KHDRBS2: variants seen among roughly 807,000 people sequenced by gnomAD.
KHDRBS2 encodes KH domain-containing, RNA-binding, signal transduction-associated protein 2.
A neutral mutation model predicts 44.3 loss-of-function variants in KHDRBS2; 26 were observed. The observed-to-expected ratio is 0.59, with a 90% CI of 0.43 to 0.81. The LOEUF is 0.81. KHDRBS2 is among the 40% of genes least tolerant of loss of function. The probability of loss-of-function intolerance (pLI) is 0.00; values close to 1 mark genes in which losing one functional copy is unlikely to be tolerated. For missense variants in KHDRBS2, 476 were observed against 433.1 expected (o/e 1.10, Z -0.88); for synonymous variants, 194 against 151.1 (o/e 1.28, Z -2.08).
intron 4 of KHDRBS2, among the ~76,000 whole-genome samples, chr6:61,942,975 G>T (rs1812438994): frequency 7.0e-6 from 1 of 143,280 alleles, no homozygotes; most frequent in African/African-American, 2.6e-5. Flanking sequence ...GAGAGAGGGA[G>T]GGAGGGGGAG....
At chr6:61,808,796 C>T (rs945483029) in intron 6 of KHDRBS2, among the ~76,000 whole-genome samples, 12 of 151,798 alleles carry the variant, frequency 7.9e-5, no homozygotes, top group African/African-American at 2.9e-4. Context: ...ATTGATATTT[C>T]ATGTATCTTT....
intron 6 of KHDRBS2, among the ~76,000 whole-genome samples, chr6:61,776,231 G>A (rs1455437437): frequency 6.6e-6 from 1 of 152,064 alleles, no homozygotes; most frequent in Non-Finnish European, 1.5e-5. Flanking sequence ...ATAGGCATGG[G>A]CAAGGACTTC....
the KHDRBS2 span, among the ~76,000 whole-genome samples, chr6:61,579,964 G>A: frequency 2.0e-5 from 3 of 152,058 alleles, no homozygotes; most frequent in South Asian, 4.2e-4. Flanking sequence ...GGCTGAGGCA[G>A]GAGAATCACT....
At chr6:61,636,982 AG>A in the KHDRBS2 span, among the ~76,000 whole-genome samples, 1 of 152,076 alleles carries the variant, frequency 6.6e-6, no homozygotes, top group South Asian at 2.1e-4. Context: ...ACATACAAGA[AG>A]ACACTAACCA....
At chr6:61,548,857 G>A in the KHDRBS2 span, among the ~76,000 whole-genome samples, 2 of 152,048 alleles carry the variant, frequency 1.3e-5, no homozygotes, top group African/African-American at 4.8e-5. Context: ...AGGGTATGTT[G>A]GAGTTGGCCA....
rs1302437888 is a variant in KHDRBS2, at chr6:62,063,640, A to C, written c.220-15646T>G. On this transcript the variant is annotated intron_variant, in intron 2 of 8. Transcript: ENST00000281156. ...TGATGGGATGTATTTCAAAATAATA[A>C]GAGCTATCTATGACAAACCCACAGC... Among the ~76,000 whole-genome samples, 34 of 150,266 alleles carry C rather than the reference A, an allele frequency of 2.3e-4. 1 individual carries two copies. In the South Asian group the frequency reaches 3.6e-3, roughly 16 times the overall value.
the KHDRBS2 span, among the ~76,000 whole-genome samples, chr6:61,557,682 T>G: frequency 6.6e-6 from 1 of 152,192 alleles, no homozygotes; most frequent in Non-Finnish European, 1.5e-5. Flanking sequence ...TTCTCTATTT[T>G]TCTTAATAGT....
chr6:61,973,004 T>C (rs1156535730), intron 4 of KHDRBS2, among the ~76,000 whole-genome samples: 1 of 152,002 alleles, frequency 6.6e-6, no homozygotes. Flanking sequence ...AAATAAGCTG[T>C]GTGTGGTGGC....
intron 4 of KHDRBS2, among the ~76,000 whole-genome samples, chr6:61,904,967 A>G (rs1404777181): frequency 6.6e-6 from 1 of 152,212 alleles, no homozygotes; most frequent in Non-Finnish European, 1.5e-5. Context: ...CATGATAATG[A>G]TAGTTGAGCC....
chr6:61,705,405 T>G (rs1248843980), intron 7 of KHDRBS2, among the ~76,000 whole-genome samples: 3 of 151,836 alleles, frequency 2.0e-5, no homozygotes, highest in Non-Finnish European at 4.4e-5. Flanking sequence ...CTCTGGCACT[T>G]GGTACACACC....
intron 1 of KHDRBS2, among the ~76,000 whole-genome samples, chr6:62,222,780 T>C (rs1831120744): frequency 6.6e-6 from 1 of 152,164 alleles, no homozygotes; most frequent in African/African-American, 2.4e-5. Context: ...GGCAGTCAAA[T>C]CTTAAAACTC....
chr6:61,620,335 T>G, the KHDRBS2 span, among the ~76,000 whole-genome samples: 1 of 152,140 alleles, frequency 6.6e-6, no homozygotes, highest in Admixed American at 6.5e-5. Context: ...TTCTTTTAAT[T>G]GAGATTTTAC....
intron 2 of KHDRBS2, among the ~76,000 whole-genome samples, chr6:62,110,355 C>T (rs1216749854): frequency 1.3e-5 from 2 of 151,880 alleles, no homozygotes; most frequent in Non-Finnish European, 2.9e-5. Context: ...ATATCTGTAC[C>T]CATACAAAGA....
intron 1 of KHDRBS2, among the ~76,000 whole-genome samples, chr6:62,198,862 A>G (rs569403791): frequency 3.3e-5 from 5 of 152,326 alleles, no homozygotes; most frequent in Admixed American, 6.5e-5. Flanking sequence ...AACCGAATCC[A>G]GCAGCACATC....
In KHDRBS2 at chr6:61,951,940, C is replaced by CA. The variant is rs200307544; in HGVS notation, c.483+26125dup. On this transcript the variant is annotated intron_variant, in intron 4 of 8. Transcript: ENST00000281156. ...TAAATTCAGTTAAACATTATCTGTA[C>CA]AATCAAAGAAAGCCACTCCTTAGAC... 2.2e-3 allele frequency among the ~76,000 whole-genome samples: 341 copies of CA among 152,000 alleles called. 12 individuals carry two copies. In the East Asian group the frequency reaches 0.06, roughly 27 times the overall value.
At chr6:61,870,782 G>T (rs572911408) in intron 6 of KHDRBS2, among the ~76,000 whole-genome samples, 1 of 145,972 alleles carries the variant, frequency 6.9e-6, no homozygotes, top group Non-Finnish European at 1.5e-5. Context: ...CAGCAGAGGG[G>T]CCTGACTATT....
intron 4 of KHDRBS2, among the ~76,000 whole-genome samples, chr6:61,937,514 G>A (rs920751762): frequency 3.3e-5 from 5 of 151,902 alleles, no homozygotes; most frequent in Non-Finnish European, 7.4e-5. Context: ...TGTGTCTTAT[G>A]TTTATTGAAC....
chr6:62,077,480 G>C (rs1218929396), intron 2 of KHDRBS2, among the ~76,000 whole-genome samples: 1 of 152,036 alleles, frequency 6.6e-6, no homozygotes. Context: ...AGGGACCTCT[G>C]TGATGACTTC....
intron 2 of KHDRBS2, among the ~76,000 whole-genome samples, chr6:62,165,836 T>C (rs751317200): frequency 6.6e-6 from 1 of 151,968 alleles, no homozygotes; most frequent in Non-Finnish European, 1.5e-5. Context: ...ACCTAGCCCA[T>C]TTTAACTAAT....
Sources: gnomAD v4.1 joint callset for allele counts (sites outside exome capture counted in the v4.1 genomes callset) on GRCh38, gnomAD v4.1.1 for gene constraint, MANE v1.5 for transcripts, NCBI Gene and HGNC (gene_info 2026-07-23, HGNC 2026-07-21) for gene names.